Variants in NIPAL2 observed in about 807,000 individuals in gnomAD.
The protein encoded by NIPAL2 is NIPA like domain containing 2.
Under a neutral mutation model 48.9 loss-of-function variants are expected in NIPAL2, and 43 were observed. That is an observed-to-expected ratio of 0.88 (90% CI 0.69 to 1.13). NIPAL2 has a LOEUF of 1.13. NIPAL2 is among the 50% of genes most tolerant of loss of function. The probability of loss-of-function intolerance (pLI) is 0.00; values close to 1 mark genes in which losing one functional copy is unlikely to be tolerated. For missense variants in NIPAL2, 446 were observed against 461.4 expected, an observed-to-expected ratio of 0.97 and a Z score of 0.31; for synonymous variants, 167 against 174.6, an observed-to-expected ratio of 0.96 and a Z score of 0.34.
At chr8:98,273,225 C>T (rs1012152745) in intron 1 of NIPAL2, among the ~76,000 whole-genome samples, 1 of 152,104 alleles carries the variant, frequency 6.6e-6, no homozygotes, top group Non-Finnish European at 1.5e-5. Context: ...CCTAGATGAA[C>T]TTTGAAAAGT....
At position 98,227,380 on chromosome 8, in the gene NIPAL2, C is replaced by T. The variant is rs535487803; in HGVS notation, c.437-4780G>A. 9.2e-5 allele frequency among the ~76,000 whole-genome samples: 14 copies of T among 152,320 alleles called. No individual in the cohort carries two copies. In the South Asian group the frequency reaches 1.9e-3, roughly 20 times the overall value. ...TGCTGGGCCACACCTGAAGCTAATA[C>T]ATCTCTGAGTCTCACCCAAGGCTCA... On this transcript the variant is annotated intron_variant, in intron 4 of 10. Coordinates refer to ENST00000430223, the MANE Select transcript of NIPAL2 (RefSeq NM_001321635.2).
Position 98,205,114 on chromosome 8 carries a change from A to G in NIPAL2, c.788T>C (p.Val263Ala). Residue 263 changes from valine to alanine, a missense_variant, in exon 7 of 11, where the codon GTC (valine) becomes GCC (alanine). Transcript: ENST00000430223. ...GAGTATGCAGAAGCTAACTTACTTGACTTGGAAAACACAAGATGCTATCAT... is the reference window on the plus strand; with the variant it reads ...GAGTATGCAGAAGCTAACTTACTTGGCTTGGAAAACACAAGATGCTATCAT... ...IIMIASCVFQ[V>A]KFLNQATKLY... 6.2e-7 allele frequency: 1 copy of G among 1,613,576 alleles called. No individual in the cohort carries two copies. Among genetic ancestry groups the G allele is most frequent in the Non-Finnish European group, 8.5e-7 (1 of 1,179,842 alleles).
At chr8:98,238,937 G>A (rs368967729) in intron 3 of NIPAL2, among the ~76,000 whole-genome samples, 6 of 152,048 alleles carry the variant, frequency 3.9e-5, no homozygotes, top group African/African-American at 1.4e-4. Flanking sequence ...CATGAGAAAA[G>A]GTATTAAAAA....
At chr8:98,222,000 C>T (rs990506808) in intron 5 of NIPAL2, among the ~76,000 whole-genome samples, 2 of 152,142 alleles carry the variant, frequency 1.3e-5, no homozygotes, top group Non-Finnish European at 2.9e-5. Context: ...TTTATTGTGG[C>T]ACTGTTCACA....
chr8:98,258,078 T>C (rs1194372398), intron 1 of NIPAL2, among the ~76,000 whole-genome samples: 1 of 152,248 alleles, frequency 6.6e-6, no homozygotes, highest in Non-Finnish European at 1.5e-5. Context: ...TTACAGAGTT[T>C]GACTACTTTT....
At chr8:98,245,160 C>G (rs537206289) in intron 3 of NIPAL2, among the ~76,000 whole-genome samples, 2 of 152,174 alleles carry the variant, frequency 1.3e-5, no homozygotes, top group African/African-American at 4.8e-5. Context: ...CTTTATTGTA[C>G]TGCTAAAAAG....
intron 4 of NIPAL2, among the ~76,000 whole-genome samples, chr8:98,225,373 A>G (rs376236544): frequency 6.6e-6 from 1 of 152,226 alleles, no homozygotes; most frequent in African/African-American, 2.4e-5. Context: ...ACTTATTTAT[A>G]TTCCACCTTT....
rs187276533 is a variant in NIPAL2 at position 98,204,255 on chromosome 8, A to G, written c.791+856T>C. ...CTTATAAGGAGATGACAAACCAGTG[A>G]CAAAACATTGGGTTTTTCCAGTAAT... On this transcript the variant is annotated intron_variant, in intron 7 of 10. Coordinates refer to ENST00000430223, the MANE Select transcript of NIPAL2 (RefSeq NM_001321635.2). Among the ~76,000 whole-genome samples, 15 of 152,356 alleles carry G rather than the reference A, an allele frequency of 9.8e-5. No individual in the cohort carries two copies. The East Asian group carries it at 2.7e-3, about 27-fold the overall frequency.
chr8:98,247,391 G>C (rs1373812466), intron 3 of NIPAL2, among the ~76,000 whole-genome samples: 2 of 152,194 alleles, frequency 1.3e-5, no homozygotes, highest in African/African-American at 4.8e-5. Flanking sequence ...TGGTGAGGAA[G>C]GACATGAAAC....
Position 98,217,131 on chromosome 8 carries a change from A to G in NIPAL2, c.559-4630T>C, listed in dbSNP as rs187420358. On this transcript the variant is annotated intron_variant, in intron 5 of 10. Transcript: ENST00000430223. ...CAGACAGGCTGGGAAAGGCTGTTTT[A>G]GTGAGTGCACTTTATTCTTCTCTGG... 3 of 985,442 alleles carry G rather than the reference A, an allele frequency of 3.0e-6. No homozygotes were observed. The Admixed American group carries it at 1.8e-4, about 60-fold the overall frequency. 61.0% of individuals were successfully genotyped at this position (985,442 alleles called of 1,614,324 possible). A position where few individuals can be genotyped will look rare whatever the true frequency, so the allele number is the denominator to read the frequency against.
At chr8:98,292,475 G>T (rs1816535972) in intron 1 of NIPAL2, among the ~76,000 whole-genome samples, 1 of 152,204 alleles carries the variant, frequency 6.6e-6, no homozygotes, top group African/African-American at 2.4e-5. Flanking sequence ...TGTCAGCTCA[G>T]TAATTTCAAT....
Position 98,211,094 on chromosome 8 carries a change from G to A in NIPAL2, c.655+1311C>T, listed in dbSNP as rs557125642. Among the ~76,000 whole-genome samples the A allele has an allele frequency of 1.4e-4, 21 of 152,242 alleles. 1 individual carries two copies. In the South Asian group the frequency reaches 4.4e-3, roughly 32 times the overall value. Reference sequence around the variant, plus strand: ...TGCTATTTGAATAATCCTTACAGCTGTACTAGTGCAAATTGGCTGAATCCA... The same window carrying A: ...TGCTATTTGAATAATCCTTACAGCTATACTAGTGCAAATTGGCTGAATCCA... On this transcript the variant is annotated intron_variant, in intron 6 of 10. Transcript: ENST00000430223.
chr8:98,194,770 C>A lies in NIPAL2; in HGVS notation c.997G>T (p.Glu333Ter). 1 of 1,577,470 alleles carries A rather than the reference C, an allele frequency of 6.3e-7. No homozygotes were observed. Among genetic ancestry groups the A allele is most frequent in the South Asian group, 1.2e-5 (1 of 83,624 alleles). Reference protein sequence around the residue: ...VFLVTRNREKEHLQQSYIDFG... With the variant: ...VFLVTRNREK ...TCAATATAAGACTGTTGCAGATGTT[C>A]CTTTTCTCGATTTCTTGTGACCAAA... The change falls in exon 10 of 11, where the codon GAA becomes TAA. Residue 333 changes from glutamate (E) to a stop codon, truncating the protein, a stop_gained. Coordinates refer to ENST00000430223, the MANE Select transcript of NIPAL2 (RefSeq NM_001321635.2). LOFTEE classifies it high-confidence loss of function.
intron 1 of NIPAL2, among the ~76,000 whole-genome samples, chr8:98,265,311 C>G (rs1362472826): frequency 6.7e-6 from 1 of 149,520 alleles, no homozygotes; most frequent in East Asian, 2.0e-4. Flanking sequence ...AGCTTCTGCA[C>G]AGCAAAAGAA....
intron 1 of NIPAL2, among the ~76,000 whole-genome samples, chr8:98,272,902 C>T (rs1319306828): frequency 6.6e-6 from 1 of 152,040 alleles, no homozygotes; most frequent in Non-Finnish European, 1.5e-5. Context: ...AGGAATATTT[C>T]AATAATGCTC....
chr8:98,221,292 T>C (rs7004217), intron 5 of NIPAL2, among the ~76,000 whole-genome samples: 1 of 151,542 alleles, frequency 6.6e-6, no homozygotes, highest in Admixed American at 6.6e-5. Context: ...CATTCTTTTA[T>C]ACATCTCTTG....
chr8:98,278,916 C>T (rs955466804), intron 1 of NIPAL2, among the ~76,000 whole-genome samples: 5 of 152,002 alleles, frequency 3.3e-5, no homozygotes, highest in Non-Finnish European at 7.4e-5. Flanking sequence ...GTTCAGATTT[C>T]AACAATTAAA....
At chr8:98,237,341 C>T (rs774133041) in intron 3 of NIPAL2, among the ~76,000 whole-genome samples, 8 of 152,004 alleles carry the variant, frequency 5.3e-5, no homozygotes, top group African/African-American at 1.7e-4. Context: ...CGTAATCCAC[C>T]GCAACCAGCC....
chr8:98,208,338 A>G (rs1811141499), intron 6 of NIPAL2, among the ~76,000 whole-genome samples: 1 of 152,110 alleles, frequency 6.6e-6, no homozygotes, highest in African/African-American at 2.4e-5. Flanking sequence ...ACATTTCCTT[A>G]TGAGAGCCAT....
Sources: allele counts gnomAD v4.1 joint callset (sites outside exome capture counted in the v4.1 genomes callset), GRCh38; gene constraint gnomAD v4.1.1; transcripts MANE v1.5; gene names NCBI Gene and HGNC (gene_info 2026-07-23, HGNC 2026-07-21).